TEX9: variants seen among roughly 807,000 people sequenced by gnomAD.
TEX9 encodes the protein testis expressed 9.
In TEX9, 74 loss-of-function variants were observed where a neutral mutation model predicts 59.6. That is an observed-to-expected ratio of 1.24 (90% CI 1.03 to 1.51). The LOEUF is 1.51. Among genes scored for constraint, TEX9 ranks in the 40% most tolerant of loss-of-function variants. TEX9 has a pLI of 0.00. For missense variants in TEX9, 522 were observed against 447.8 expected, an observed-to-expected ratio of 1.17 and a Z score of -1.49; for synonymous variants, 186 against 152.2, an observed-to-expected ratio of 1.22 and a Z score of -1.64.
At chr15:56,263,757 C>T (rs1022741478) in intron 1 of TEX9, among the ~76,000 whole-genome samples, 4 of 152,170 alleles carry the variant, frequency 2.6e-5, no homozygotes, top group Admixed American at 6.6e-5. Flanking sequence ...CTTTTCTATC[C>T]CTCTAGTTTT....
chr15:56,339,383 C>CAAAAAAAAAA lies in TEX9; in HGVS notation c.-106-34036_-106-34027dup, dbSNP rs71456382. Among the ~76,000 whole-genome samples the CAAAAAAAAAA allele has an allele frequency of 5.3e-3, 164 of 30,722 alleles. 14 individuals are homozygous for CAAAAAAAAAA. Among genetic ancestry groups the CAAAAAAAAAA allele is most frequent in the East Asian group, 0.017 (23 of 1,318 alleles). The allele number at this position is 30,722 out of a possible 152,430, so 20.2% of individuals were successfully genotyped here. On this transcript the variant is annotated intron_variant, in intron 1 of 5. Coordinates refer to the TEX9 transcript ENST00000560827. ...GGGTGTCAGAGCAAGACTCCTTCTC[C>CAAAAAAAAAA]AAAAAAAAAAAAAAAAAAAAAAAAA...
At chr15:56,456,527 C>G in the TEX9 span, 1 of 1,604,670 alleles carries the variant, frequency 6.2e-7, no homozygotes, top group East Asian at 2.2e-5. Flanking sequence ...TCTGCCTGAA[C>G]GAAAAATTTA....
the TEX9 span, among the ~76,000 whole-genome samples, chr15:56,451,501 C>T: frequency 9.9e-5 from 15 of 152,046 alleles, no homozygotes; most frequent in Admixed American, 2.6e-4. Context: ...TGTTTGTAGT[C>T]GGGGGATGGG....
intron 1 of TEX9, among the ~76,000 whole-genome samples, chr15:56,331,859 A>T (rs2046153285): frequency 6.7e-6 from 1 of 148,972 alleles, no homozygotes; most frequent in African/African-American, 2.5e-5. Context: ...GCCAAAAAAC[A>T]CATGAAAAAA....
Position 56,270,684 on chromosome 15 carries a change from T to G in TEX9, c.-107+26406T>G, listed in dbSNP as rs911705306. ...GAATTTGATCCTGTTATTATGATGT[T>G]AGTTGCTTATTTTGCCCATTTCTTG... is the stretch of plus-strand genomic sequence containing the variant. On this transcript the variant is annotated intron_variant, in intron 1 of 5. Coordinates refer to the TEX9 transcript ENST00000560827. Among the ~76,000 whole-genome samples, 15 of 152,374 alleles carry G rather than the reference T, an allele frequency of 9.8e-5. 1 individual carries two copies. The highest frequency in any genetic ancestry group is 3.4e-4 in the African/African-American group (14 of 41,586).
rs114634739 is a variant in TEX9 at position 56,368,084 on chromosome 15, C to T, written c.119+2414C>T. On this transcript the variant is annotated intron_variant, in intron 2 of 12. Transcript: ENST00000352903. ...TTCCTTGTTTATGATTTTGAGAAGCCCACTTTTAATAATCACTACATTTGA... is the reference window on the plus strand; with the variant it reads ...TTCCTTGTTTATGATTTTGAGAAGCTCACTTTTAATAATCACTACATTTGA... 5.3e-4 allele frequency among the ~76,000 whole-genome samples: 81 copies of T among 152,102 alleles called. 1 individual carries two copies. The highest frequency in any genetic ancestry group is 1.9e-3 in the African/African-American group (79 of 41,500).
At chr15:56,284,590 G>T (rs1343061239) in intron 1 of TEX9, among the ~76,000 whole-genome samples, 2 of 152,018 alleles carry the variant, frequency 1.3e-5, no homozygotes, top group African/African-American at 4.8e-5. Context: ...AGACTGGAAG[G>T]AAACAATTGT....
chr15:56,313,990 A>G (rs1241030212), intron 1 of TEX9, among the ~76,000 whole-genome samples: 1 of 121,836 alleles, frequency 8.2e-6, no homozygotes, highest in Non-Finnish European at 1.8e-5. Context: ...GGGATCGGTG[A>G]TGATATCCCC....
At chr15:56,270,232 T>C (rs1203852174) in intron 1 of TEX9, among the ~76,000 whole-genome samples, 1 of 152,172 alleles carries the variant, frequency 6.6e-6, no homozygotes, top group East Asian at 1.9e-4. Flanking sequence ...ATCTGCCTAA[T>C]ATTGACAGTG....
At chr15:56,349,618 C>T (rs533431961) in intron 1 of TEX9, among the ~76,000 whole-genome samples, 7 of 152,228 alleles carry the variant, frequency 4.6e-5, no homozygotes, top group African/African-American at 1.2e-4. Flanking sequence ...ACCCAAGTAT[C>T]GTTTTCCTTT....
At chr15:56,300,928 A>G (rs1352461468) in intron 1 of TEX9, among the ~76,000 whole-genome samples, 1 of 152,198 alleles carries the variant, frequency 6.6e-6, no homozygotes, top group Non-Finnish European at 1.5e-5. Context: ...GTAAATATCT[A>G]ACTCTTAACT....
At chr15:56,429,798 T>G (rs1376086865) in intron 12 of TEX9, 3 of 152,202 alleles carry the variant, frequency 2.0e-5, no homozygotes, top group Non-Finnish European at 4.4e-5. Context: ...ATAACTGAAG[T>G]CATTTGGCAC....
chr15:56,257,553 C>CT (rs2044171428), intron 1 of TEX9, among the ~76,000 whole-genome samples: 1 of 152,024 alleles, frequency 6.6e-6, no homozygotes, highest in African/African-American at 2.4e-5. Context: ...TGATGTTGAG[C>CT]TTTTTTTATA....
In TEX9 at chr15:56,323,223, T is replaced by C. The variant is rs187911404; in HGVS notation, c.-106-50218T>C. On this transcript the variant is annotated intron_variant, in intron 1 of 5. Transcript: ENST00000560827. ...AAAAGCAGCCAATGCTTCAGTCAAC[T>C]TCTCAAAGTTCTCTAAGAAGTGCTC... 293 of 217,024 alleles carry C rather than the reference T, an allele frequency of 1.4e-3. 1 individual carries two copies. The highest frequency in any genetic ancestry group is 3.4e-3 in the East Asian group (31 of 9,084). 13.4% of individuals were successfully genotyped at this position (217,024 alleles called of 1,614,324 possible).
At chr15:56,382,572 C>G (rs1441295499) in intron 3 of TEX9, among the ~76,000 whole-genome samples, 1 of 152,112 alleles carries the variant, frequency 6.6e-6, no homozygotes, top group Non-Finnish European at 1.5e-5. Flanking sequence ...CTTTATTTAG[C>G]AGGTGATGAA....
chr15:56,317,421 C>G (rs1415316673), intron 1 of TEX9, among the ~76,000 whole-genome samples: 2 of 152,126 alleles, frequency 1.3e-5, no homozygotes. Flanking sequence ...AAGTTTTCCC[C>G]TCTCTTTTCC....
chr15:56,283,565 A>C (rs1038255323), intron 1 of TEX9, among the ~76,000 whole-genome samples: 3 of 152,200 alleles, frequency 2.0e-5, no homozygotes, highest in African/African-American at 7.2e-5. Flanking sequence ...TGGGGAAAAA[A>C]ATCCTGTAGA....
In TEX9 at chr15:56,273,004, A is replaced by G. The variant is rs553664733; in HGVS notation, c.-107+28726A>G. On this transcript the variant is annotated intron_variant, in intron 1 of 5. Transcript: ENST00000560827. ...CTCTGTCACCCAAACTGGAGGCTGG[A>G]GTGCAGTGGTGCTATCTCAACTCAG... Among the ~76,000 whole-genome samples, 65 of 151,272 alleles carry G rather than the reference A, an allele frequency of 4.3e-4. No individual in the cohort carries two copies. In the South Asian group the frequency reaches 0.014, roughly 31 times the overall value.
At chr15:56,357,887 T>C (rs1482423342) in intron 1 of TEX9, among the ~76,000 whole-genome samples, 3 of 152,184 alleles carry the variant, frequency 2.0e-5, no homozygotes, top group Admixed American at 1.3e-4. Flanking sequence ...TCTGAATTTA[T>C]TGGAAGTCTA....
Sources: gnomAD v4.1 joint callset for allele counts (sites outside exome capture counted in the v4.1 genomes callset) on GRCh38, gnomAD v4.1.1 for gene constraint, MANE v1.5 for transcripts, NCBI Gene and HGNC (gene_info 2026-07-23, HGNC 2026-07-21) for gene names.